RPTOR: variants seen among roughly 807,000 people sequenced by gnomAD.
RPTOR encodes the protein regulatory associated protein of MTOR complex 1.
A neutral mutation model predicts 169.9 loss-of-function variants in RPTOR; 21 were observed. The observed-to-expected ratio is 0.12, with a 90% CI of 0.09 to 0.18. The LOEUF is 0.18. Among genes scored for constraint, RPTOR ranks in the 10% least tolerant of loss-of-function variants. RPTOR has a pLI of 1.00. For synonymous variants in RPTOR, 732 were observed against 753.2 expected (o/e 0.97, Z 0.46); for missense variants, 1,133 against 1,855.9 (o/e 0.61, Z 7.16).
chr17:80,711,633 G>A (rs776969358), intron 4 of RPTOR, among the ~76,000 whole-genome samples: 19 of 150,548 alleles, frequency 1.3e-4, no homozygotes, highest in Admixed American at 2.0e-4. Context: ...TTCCTTATGC[G>A]TTTTTAGTTC....
intron 3 of RPTOR, among the ~76,000 whole-genome samples, chr17:80,686,230 A>G (rs903194624): frequency 6.8e-6 from 1 of 147,542 alleles, no homozygotes; most frequent in Non-Finnish European, 1.5e-5. Flanking sequence ...TCTGTCGCCC[A>G]TGCTGGAGTG....
At chr17:80,909,323 C>T (rs914106456) in intron 21 of RPTOR, among the ~76,000 whole-genome samples, 3 of 152,078 alleles carry the variant, frequency 2.0e-5, no homozygotes, top group African/African-American at 7.2e-5. Flanking sequence ...TCAAGGGATC[C>T]TCCTGCCTCA....
intron 4 of RPTOR, among the ~76,000 whole-genome samples, chr17:80,713,255 C>T (rs2066211167): frequency 6.6e-6 from 1 of 151,986 alleles, no homozygotes; most frequent in African/African-American, 2.4e-5. Context: ...TTTTTTAGTA[C>T]AGGCTGATCT....
chr17:80,636,934 C>T (rs1171139950), intron 2 of RPTOR, among the ~76,000 whole-genome samples: 4 of 152,326 alleles, frequency 2.6e-5, no homozygotes, highest in Admixed American at 6.5e-5. Flanking sequence ...GCAGGACGGC[C>T]GCTCACTCAG....
intron 1 of RPTOR, among the ~76,000 whole-genome samples, chr17:80,581,678 G>A (rs1275408672): frequency 6.6e-6 from 1 of 151,564 alleles, no homozygotes; most frequent in Non-Finnish European, 1.5e-5. Flanking sequence ...ACTGCACATC[G>A]GGCCAGTGCA....
intron 12 of RPTOR, among the ~76,000 whole-genome samples, chr17:80,857,406 C>T (rs1267355192): frequency 1.3e-5 from 2 of 152,180 alleles, no homozygotes; most frequent in African/African-American, 2.4e-5. Flanking sequence ...GTGGCCGTGC[C>T]GTCACAGGTG....
In RPTOR at chr17:80,646,909, G is replaced by A. The variant is rs1284378916; in HGVS notation, c.348+3099G>A. Reference sequence around the variant, plus strand: ...AAATGCCTGTTTTCTCAACGGTAGCGTCCATCCAGGAGGTGCAGAAAGCCA... The same window carrying A: ...AAATGCCTGTTTTCTCAACGGTAGCATCCATCCAGGAGGTGCAGAAAGCCA... On this transcript the variant is annotated intron_variant, in intron 3 of 33. Coordinates refer to ENST00000306801, the MANE Select transcript of RPTOR (RefSeq NM_020761.3). This position sits in a 1 kb window ranked among gnomAD's most constrained non-coding sequence, Gnocchi z 5.0. Among the ~76,000 whole-genome samples, 2 of 152,176 alleles carry A rather than the reference G, an allele frequency of 1.3e-5. No homozygotes were observed. Among genetic ancestry groups the A allele is most frequent in the Admixed American group, 6.5e-5 (1 of 15,278 alleles).
intron 1 of RPTOR, among the ~76,000 whole-genome samples, chr17:80,614,211 C>T (rs1047052733): frequency 7.9e-5 from 12 of 152,204 alleles, no homozygotes; most frequent in Non-Finnish European, 1.8e-4. Flanking sequence ...GTTGGGGGTC[C>T]CAGAGGTGTG....
intron 31 of RPTOR, chr17:80,961,728 G>C (rs79804202): frequency 2.0e-6 from 1 of 495,478 alleles, no homozygotes; most frequent in Non-Finnish European, 3.6e-6. Context: ...TGCCAACTGC[G>C]GAGGGTTCCG....
chr17:80,717,513 C>T (rs1338489784), intron 4 of RPTOR, among the ~76,000 whole-genome samples: 1 of 152,140 alleles, frequency 6.6e-6, no homozygotes, highest in Non-Finnish European at 1.5e-5. Context: ...TTATTTTGCA[C>T]ATCACGTGGC....
intron 13 of RPTOR, among the ~76,000 whole-genome samples, chr17:80,876,703 A>G (rs11658894): frequency 0.16 from 10,688 of 65,430 alleles, 1,574 homozygotes; most frequent in East Asian, 0.33. Context: ...AAGCCCCTCC[A>G]CCCAGGATGT....
At chr17:80,798,303 CA>C (rs1345286737) in intron 7 of RPTOR, among the ~76,000 whole-genome samples, 1 of 152,226 alleles carries the variant, frequency 6.6e-6, no homozygotes, top group Non-Finnish European at 1.5e-5. Flanking sequence ...TTGCCCATGC[CA>C]CACAGAAGGA....
At chr17:80,680,960 A>G (rs1317291846) in intron 3 of RPTOR, among the ~76,000 whole-genome samples, 1 of 152,102 alleles carries the variant, frequency 6.6e-6, no homozygotes, top group Non-Finnish European at 1.5e-5. Context: ...TCACCAGGAG[A>G]CAACAGCAAA....
chr17:80,881,380 A>C (rs1441416306), intron 14 of RPTOR, among the ~76,000 whole-genome samples: 1 of 152,276 alleles, frequency 6.6e-6, no homozygotes. Context: ...ATTCTTAAGA[A>C]TAAGGAAGAA....
Position 80,823,238 on chromosome 17 carries a change from A to T in RPTOR, c.1136+15A>T, listed in dbSNP as rs1016829433. 1 of 1,612,394 alleles carries T rather than the reference A, an allele frequency of 6.2e-7. No homozygotes were observed. The highest frequency in any genetic ancestry group is 1.3e-5 in the African/African-American group (1 of 74,982). On this transcript the variant is annotated intron_variant, in intron 9 of 33. Transcript: ENST00000306801. The surrounding 1 kb of genome is among the most constrained non-coding windows in gnomAD (Gnocchi z 4.5). ...CACGCCATGTGGTGAGTGTTTCAGG[A>T]TCCTCCAGGTGCCGTGCTCCCCCGC... is the stretch of plus-strand genomic sequence containing the variant.
chr17:80,577,898 A>G (rs1244416788), intron 1 of RPTOR, among the ~76,000 whole-genome samples: 3 of 152,228 alleles, frequency 2.0e-5, no homozygotes, highest in Admixed American at 1.3e-4. Flanking sequence ...TCTTAGGCTT[A>G]TGCAAACATG....
At chr17:80,783,419 G>A (rs756593461) in intron 6 of RPTOR, among the ~76,000 whole-genome samples, 16 of 152,030 alleles carry the variant, frequency 1.1e-4, no homozygotes, top group Non-Finnish European at 1.8e-4. Flanking sequence ...TGTTTTTGTG[G>A]GTATGTTTGC....
chr17:80,663,406 C>A (rs1598202138), intron 3 of RPTOR, among the ~76,000 whole-genome samples: 1 of 146,444 alleles, frequency 6.8e-6, no homozygotes, highest in African/African-American at 2.4e-5. Flanking sequence ...TCATCTCTTT[C>A]TTTGCAAAGC....
At chr17:80,565,423 GGAGCAAGGTGGGCTGGTGA>G (rs2084569608) in intron 1 of RPTOR, among the ~76,000 whole-genome samples, 4 of 152,234 alleles carry the variant, frequency 2.6e-5, no homozygotes, top group Non-Finnish European at 5.9e-5. Context: ...GGGTGTAGGA[GGAGCAAGGTGGGCTGGTGA>G]CTGAAGGAGG....
Sources: allele counts gnomAD v4.1 joint callset (sites outside exome capture counted in the v4.1 genomes callset), GRCh38; gene constraint gnomAD v4.1.1; non-coding constraint Gnocchi (gnomAD v3.1); transcripts MANE v1.5; gene names NCBI Gene and HGNC (gene_info 2026-07-23, HGNC 2026-07-21).